The following RBFOX1 variants were observed in gnomAD, a reference collection of about 807,000 sequenced individuals.
The protein encoded by RBFOX1 is RNA binding fox-1 homolog 1, also known as RNA binding protein fox-1 homolog 1.
A neutral mutation model predicts 57.7 loss-of-function variants in RBFOX1; 8 were observed. That is an observed-to-expected ratio of 0.14 (90% confidence interval 0.08 to 0.25). The LOEUF is 0.25. Ranked by LOEUF, RBFOX1 falls within the 10% of genes least tolerant of loss-of-function variation. The pLI, the probability that RBFOX1 is intolerant of heterozygous loss-of-function variation, is 1.00. For synonymous variants in RBFOX1, 326 were observed against 222.4 expected, an observed-to-expected ratio of 1.47 and a Z score of -4.15; for missense variants, 611 against 548.5, an observed-to-expected ratio of 1.11 and a Z score of -1.14.
chr16:6,095,155 A>G (rs2096229320), intron 1 of RBFOX1, among the ~76,000 whole-genome samples: 1 of 152,212 alleles, frequency 6.6e-6, no homozygotes. Flanking sequence ...CATCATCCTC[A>G]GCATTACTGG....
At chr16:6,848,036 T>C (rs2093855021) in intron 3 of RBFOX1, among the ~76,000 whole-genome samples, 1 of 152,112 alleles carries the variant, frequency 6.6e-6, no homozygotes, top group Admixed American at 6.5e-5. Flanking sequence ...CTTACCATGT[T>C]GGCCAGGCTG....
intron 4 of RBFOX1, among the ~76,000 whole-genome samples, chr16:7,237,862 G>C (rs1316519057): frequency 6.6e-6 from 1 of 152,090 alleles, no homozygotes; most frequent in African/African-American, 2.4e-5. Flanking sequence ...AAATTAGCTG[G>C]ACATGGTGGC....
At chr16:6,818,057 A>C (rs1287790654) in intron 3 of RBFOX1, among the ~76,000 whole-genome samples, 2 of 152,172 alleles carry the variant, frequency 1.3e-5, no homozygotes, top group African/African-American at 4.8e-5. Flanking sequence ...TCACATGGGC[A>C]TAAAACTATC....
rs984666658 is a variant in RBFOX1 at position 5,598,695 on chromosome 16, G to T, written c.259-207G>T. ...CCATTTCAATGAGACTAGCCACGGG[G>T]CTTTGTAGCCATATCGGGCTTGTGG... On this transcript the variant is annotated intron_variant, in intron 2 of 2. Transcript: ENST00000585867. Among the ~76,000 whole-genome samples the T allele has an allele frequency of 2.6e-5, 4 of 152,162 alleles. No homozygotes were observed. The East Asian group carries it at 7.7e-4, about 29-fold the overall frequency.
chr16:5,508,447 G>A (rs977216210), intron 2 of RBFOX1, among the ~76,000 whole-genome samples: 3 of 152,202 alleles, frequency 2.0e-5, no homozygotes, highest in African/African-American at 7.2e-5. Context: ...CCTTCCTGTG[G>A]GCATGAATAG....
chr16:6,594,488 C>CA (rs746818626), intron 2 of RBFOX1, among the ~76,000 whole-genome samples: 31 of 152,220 alleles, frequency 2.0e-4, no homozygotes, highest in South Asian at 1.5e-3. Flanking sequence ...AGAGGCTGCC[C>CA]AGCTCTCACA....
At chr16:6,829,011 C>T (rs2092469240) in intron 3 of RBFOX1, among the ~76,000 whole-genome samples, 1 of 152,110 alleles carries the variant, frequency 6.6e-6, no homozygotes, top group African/African-American at 2.4e-5. Context: ...TGTTGCCTGA[C>T]TCATCCTTGA....
At chr16:7,061,908 C>T (rs1401978687) in intron 4 of RBFOX1, among the ~76,000 whole-genome samples, 1 of 152,056 alleles carries the variant, frequency 6.6e-6, no homozygotes, top group Admixed American at 6.6e-5. Context: ...ATAAATAGGG[C>T]ATCTCTAGTT....
chr16:7,636,188 A>G (rs1014523496), intron 11 of RBFOX1, among the ~76,000 whole-genome samples: 2 of 152,206 alleles, frequency 1.3e-5, no homozygotes, highest in African/African-American at 2.4e-5. Flanking sequence ...AACTACATCC[A>G]TTCTACACTT....
chr16:5,586,465 TACTA>T (rs2046831876), intron 2 of RBFOX1, among the ~76,000 whole-genome samples: 1 of 152,228 alleles, frequency 6.6e-6, no homozygotes, highest in Non-Finnish European at 1.5e-5. Flanking sequence ...TAGATAGTTT[TACTA>T]ACTATTGCTA....
At chr16:6,565,693 C>A (rs1600055337) in intron 2 of RBFOX1, among the ~76,000 whole-genome samples, 1 of 152,256 alleles carries the variant, frequency 6.6e-6, no homozygotes, top group African/African-American at 2.4e-5. Flanking sequence ...TGGTCTCGAT[C>A]TCCTGACCTC....
At chr16:5,518,849 G>A (rs984272494) in intron 2 of RBFOX1, among the ~76,000 whole-genome samples, 6 of 152,146 alleles carry the variant, frequency 3.9e-5, no homozygotes, top group South Asian at 2.1e-4. Flanking sequence ...GAGTTGAACC[G>A]CATCCCTATC....
At chr16:6,889,245 C>G (rs930741847) in intron 3 of RBFOX1, among the ~76,000 whole-genome samples, 9 of 152,192 alleles carry the variant, frequency 5.9e-5, no homozygotes, top group African/African-American at 2.2e-4. Flanking sequence ...TTCTCCCACC[C>G]CATTCTTGCC....
intron 4 of RBFOX1, among the ~76,000 whole-genome samples, chr16:7,326,946 T>G (rs1271541513): frequency 6.6e-6 from 1 of 152,160 alleles, no homozygotes; most frequent in East Asian, 1.9e-4. Context: ...CATTTGCTAG[T>G]GGACATTTTA....
intron 4 of RBFOX1, among the ~76,000 whole-genome samples, chr16:7,213,455 T>A (rs774897923): frequency 6.6e-6 from 1 of 152,146 alleles, no homozygotes; most frequent in Non-Finnish European, 1.5e-5. Flanking sequence ...ATGTGGTCCA[T>A]GAATCAGACT....
intron 3 of RBFOX1, among the ~76,000 whole-genome samples, chr16:7,023,061 A>G (rs1377480664): frequency 1.3e-5 from 2 of 152,180 alleles, no homozygotes; most frequent in African/African-American, 4.8e-5. Context: ...TGTAGAGATA[A>G]GAGAATCCTA....
At chr16:6,188,070 T>A (rs1177905828) in intron 1 of RBFOX1, among the ~76,000 whole-genome samples, 1 of 152,088 alleles carries the variant, frequency 6.6e-6, no homozygotes, top group East Asian at 1.9e-4. Flanking sequence ...AATACCAAAA[T>A]TCTGGCTTTG....
chr16:5,588,639 A>G (rs1237528076), intron 2 of RBFOX1, among the ~76,000 whole-genome samples: 3 of 152,200 alleles, frequency 2.0e-5, no homozygotes, highest in East Asian at 1.9e-4. Context: ...CATGTGAGCA[A>G]TGGACAGCAC....
intron 4 of RBFOX1, among the ~76,000 whole-genome samples, chr16:6,011,772 G>A (rs1205104137): frequency 2.0e-5 from 3 of 152,154 alleles, no homozygotes; most frequent in East Asian, 1.9e-4. Context: ...TAATGACCAC[G>A]CACGCTGAGG....
Sources: allele counts gnomAD v4.1 joint callset (sites outside exome capture counted in the v4.1 genomes callset), GRCh38; gene constraint gnomAD v4.1.1; transcripts MANE v1.5; gene names NCBI Gene and HGNC (gene_info 2026-07-23, HGNC 2026-07-21).